Variants in NARF observed in about 807,000 individuals in gnomAD.
The protein encoded by NARF is nuclear prelamin A recognition factor.
In NARF, 41 loss-of-function variants were observed where a neutral mutation model predicts 48.0. That is an observed-to-expected ratio of 0.85 (90% CI 0.66 to 1.11). The LOEUF is 1.11. Ranked by LOEUF, NARF falls within the 50% of genes least tolerant of loss-of-function variation. The pLI, the probability that NARF is intolerant of heterozygous loss-of-function variation, is 0.00. For synonymous variants in NARF, 215 were observed against 225.5 expected, an observed-to-expected ratio of 0.95 and a Z score of 0.42; for missense variants, 613 against 590.2, an observed-to-expected ratio of 1.04 and a Z score of -0.40.
At chr17:82,470,416 A>G (rs976849224) in intron 4 of NARF, among the ~76,000 whole-genome samples, 2 of 152,228 alleles carry the variant, frequency 1.3e-5, no homozygotes, top group Non-Finnish European at 2.9e-5. Flanking sequence ...AAAATGATGT[A>G]ACGGAATGTT....
intron 1 of NARF, chr17:82,459,203 T>G: frequency 9.6e-7 from 1 of 1,040,138 alleles, no homozygotes; most frequent in Non-Finnish European, 1.2e-6. Context: ...CCTCTGAGGG[T>G]CACCGAGCAG....
intron 8 of NARF, 58 bp from the exon 9 acceptor site, chr17:82,484,755 C>G: frequency 6.6e-7 from 1 of 1,508,008 alleles, no homozygotes; most frequent in Non-Finnish European, 8.9e-7. Flanking sequence ...TGGTTTCACT[C>G]TTTCTGTCAC....
In NARF at chr17:82,488,338, G is replaced by A. The variant is rs942843635; in HGVS notation, c.*181G>A. Reference sequence around the variant, plus strand: ...GAGGCCCCTCAGGCAGTTTCATGTGGTGCTATCTTCATAATAGGTGTGGGA... The same window carrying A: ...GAGGCCCCTCAGGCAGTTTCATGTGATGCTATCTTCATAATAGGTGTGGGA... On this transcript the variant is annotated 3_prime_UTR_variant, in exon 11 of 11. Transcript: ENST00000309794. The A allele has an allele frequency of 4.3e-6, 4 of 929,076 alleles. No individual in the cohort carries two copies. The highest frequency in any genetic ancestry group is 3.3e-5 in the African/African-American group (2 of 59,862). The allele number at this position is 929,076 out of a possible 1,614,324, so 57.6% of individuals were successfully genotyped here.
chr17:82,483,155 CTAAAAATACAAAAAT>C (rs1190336102), intron 7 of NARF: 1 of 221,156 alleles, frequency 4.5e-6, no homozygotes, highest in Non-Finnish European at 9.4e-6. Flanking sequence ...CCCGTCTCTA[CTAAAAATACAAAAAT>C]TAGCCAGGCG....
chr17:82,483,259 C>T (rs776506371), intron 7 of NARF: 7 of 388,668 alleles, frequency 1.8e-5, no homozygotes, highest in African/African-American at 1.3e-4. Flanking sequence ...GCAGAGGTTA[C>T]AGCGAGACAA....
rs553780975 is a variant in NARF at position 82,472,658 on chromosome 17, G to A, written c.480G>A (p.Glu160=). ...EFVRRYRQHS[E]EERTLPMLTS... is the part of the protein sequence containing the mutation. Reference sequence around the variant, plus strand: ...TGCGTCGCTATCGCCAGCACAGTGAGGAGGAACGCACCCTGCCCATGCTGA... The same window carrying A: ...TGCGTCGCTATCGCCAGCACAGTGAAGAGGAACGCACCCTGCCCATGCTGA... Residue 160 remains glutamate (E), a synonymous_variant, in exon 5 of 11, where the codon GAG becomes GAA. Coordinates refer to ENST00000309794, the MANE Select transcript of NARF (RefSeq NM_012336.4). 1 of 1,613,952 alleles carries A rather than the reference G, an allele frequency of 6.2e-7. No homozygotes were observed. The highest frequency in any genetic ancestry group is 1.1e-5 in the South Asian group (1 of 91,054).
intron 4 of NARF, among the ~76,000 whole-genome samples, chr17:82,470,651 C>T (rs925926227): frequency 2.0e-5 from 3 of 151,806 alleles, no homozygotes; most frequent in Non-Finnish European, 2.9e-5. Context: ...CCCGCCACCA[C>T]GCCCGGCTAA....
chr17:82,462,127 GGATGA>G (rs2043453837), intron 2 of NARF, among the ~76,000 whole-genome samples: 1 of 152,230 alleles, frequency 6.6e-6, no homozygotes, highest in Non-Finnish European at 1.5e-5. Flanking sequence ...ACTGTGGTGA[GGATGA>G]GATAACGTGT....
chr17:82,480,428 G>T (rs2043936240), intron 6 of NARF: 2 of 402,182 alleles, frequency 5.0e-6, no homozygotes, highest in Non-Finnish European at 8.8e-6. Context: ...AATGGGCTCA[G>T]CCTTCCCGGT....
chr17:82,487,497 AAG>A (rs1384030096), intron 10 of NARF, among the ~76,000 whole-genome samples: 36 of 148,612 alleles, frequency 2.4e-4, no homozygotes, highest in African/African-American at 8.4e-4. Context: ...AAAAAAAAAA[AAG>A]AAGAATGAGA....
At chr17:82,487,807 A>T in intron 10 of NARF, 109 bp from the exon 11 acceptor site, 2 of 647,522 alleles carry the variant, frequency 3.1e-6, no homozygotes, top group Non-Finnish European at 2.4e-6. Flanking sequence ...CAAAAAATTT[A>T]AAAATCAGCC....
intron 5 of NARF, 109 bp from the exon 6 acceptor site, chr17:82,478,691 C>A: frequency 8.7e-7 from 1 of 1,143,008 alleles, no homozygotes; most frequent in Non-Finnish European, 1.3e-6. Context: ...AAAAGGTGTT[C>A]TGGCTTCACC....
intron 2 of NARF, chr17:82,463,980 A>G: frequency 3.6e-6 from 1 of 279,672 alleles, no homozygotes; most frequent in Non-Finnish European, 6.8e-6. Context: ...CAGTGGGGTG[A>G]GCTTCCAGAA....
In NARF at chr17:82,464,373, A is replaced by G; in HGVS notation, c.195A>G (p.Gly65=). ...ACDSCMTAEE[G]VQLSQQNAKD... is the part of the protein sequence containing the mutation. ...ACAGCTGTATGACTGCAGAGGAAGG[A>G]GTCCAACTTTCCCAGCAAAATGCCA... is the stretch of plus-strand genomic sequence containing the variant. Residue 65 remains glycine (G), a synonymous_variant, in exon 3 of 11, where the codon GGA becomes GGG. Transcript: ENST00000309794. 3.1e-6 allele frequency: 5 copies of G among 1,614,106 alleles called. No individual in the cohort carries two copies. Among genetic ancestry groups the G allele is most frequent in the Non-Finnish European group, 3.4e-6 (4 of 1,179,960 alleles).
chr17:82,465,940 T>C (rs1259281830), intron 3 of NARF, among the ~76,000 whole-genome samples: 1 of 152,206 alleles, frequency 6.6e-6, no homozygotes, highest in Non-Finnish European at 1.5e-5. Flanking sequence ...TACCCTGACT[T>C]ATATGCACTT....
chr17:82,482,078 T>C (rs2043977556), intron 7 of NARF: 1 of 297,368 alleles, frequency 3.4e-6, no homozygotes, highest in Non-Finnish European at 6.6e-6. Flanking sequence ...AATGTTGACA[T>C]CAGTTGGTGG....
At chr17:82,470,099 G>A (rs72859125) in intron 4 of NARF, among the ~76,000 whole-genome samples, 29,965 of 151,984 alleles carry the variant, frequency 0.2, 3,546 homozygotes, top group African/African-American at 0.29. Flanking sequence ...GATATATTGG[G>A]GATTACTGGT....
chr17:82,470,400 A>G (rs1488363227), intron 4 of NARF, among the ~76,000 whole-genome samples: 3 of 152,226 alleles, frequency 2.0e-5, no homozygotes, highest in Non-Finnish European at 4.4e-5. Context: ...TTGGGGCTAG[A>G]TTCTTAAAAT....
chr17:82,467,315 G>A (rs1319148461), intron 3 of NARF, among the ~76,000 whole-genome samples: 1 of 152,186 alleles, frequency 6.6e-6, no homozygotes, highest in African/African-American at 2.4e-5. Context: ...CCAAAGTGCT[G>A]GGATTATAGG....
Sources: gnomAD v4.1 joint callset for allele counts (sites outside exome capture counted in the v4.1 genomes callset) on GRCh38, gnomAD v4.1.1 for gene constraint, MANE v1.5 for transcripts, NCBI Gene and HGNC (gene_info 2026-07-23, HGNC 2026-07-21) for gene names.